Variants in CC2D2A observed in about 807,000 individuals in gnomAD.
CC2D2A encodes the protein coiled-coil and C2 domain containing 2A, also known as coiled-coil and C2 domain-containing protein 2A.
Under a neutral mutation model 212.9 loss-of-function variants are expected in CC2D2A, and 155 were observed. The observed-to-expected ratio is 0.73, with a 90% CI of 0.64 to 0.83. The LOEUF is 0.83. Ranked by LOEUF, CC2D2A falls within the 40% of genes least tolerant of loss-of-function variation. The probability of loss-of-function intolerance (pLI) is 0.00; values close to 1 mark genes in which losing one functional copy is unlikely to be tolerated. For synonymous variants in CC2D2A, 667 were observed against 686.5 expected, an observed-to-expected ratio of 0.97 and a Z score of 0.44; for missense variants, 1,856 against 1,956.2, an observed-to-expected ratio of 0.95 and a Z score of 0.97.
At position 15,502,834 on chromosome 4, in the gene CC2D2A, A is replaced by G; in HGVS notation, c.349A>G (p.Ser117Gly). 6.2e-7 allele frequency: 1 copy of G among 1,610,404 alleles called. No individual in the cohort carries two copies. Among genetic ancestry groups the G allele is most frequent in the Non-Finnish European group, 8.5e-7 (1 of 1,178,436 alleles). ...TTTGACTTTTTAGTCCAAAGCAGAA[A>G]GTGCATTGCTGCAGGAAATCCCCAC... Reference protein sequence around the residue: ...KLQAARSKAESALLQEIPTPR... With the variant: ...KLQAARSKAEGALLQEIPTPR... Residue 117 changes from serine (S) to glycine (G), a missense_variant, in exon 6 of 37, where the codon AGT (serine) becomes GGT (glycine). Physicochemically the swap from Ser to Gly is moderately conservative, Grantham distance 56. Around this residue, in one of 5 missense-constraint regions of CC2D2A, gnomAD observed 1,512 missense variants for 1,579.3 expected, o/e 0.96. Transcript: ENST00000424120.
intron 16 of CC2D2A, 139 bp from the exon 17 acceptor site, chr4:15,540,698 C>T: frequency 1.4e-6 from 1 of 718,100 alleles, no homozygotes; most frequent in Non-Finnish European, 2.3e-6. Context: ...CCTGTGGCTC[C>T]TCTGGTTAAA....
intron 4 of CC2D2A, among the ~76,000 whole-genome samples, chr4:15,490,575 G>T (rs1012816383): frequency 6.6e-6 from 1 of 152,144 alleles, no homozygotes; most frequent in Non-Finnish European, 1.5e-5. Flanking sequence ...ATTATATTCA[G>T]TTTGGTGCTA....
chr4:15,470,679 CTCTCTCTCTCTATATATATATATATATA>C (rs1470029171), intron 1 of CC2D2A, among the ~76,000 whole-genome samples: 60 of 70,350 alleles, frequency 8.5e-4, no homozygotes, highest in South Asian at 1.5e-3. Context: ...CTCTCTCTCT[CTCTCTCTCTCTATATATATATATATATA>C]TATATATATA....
At position 15,567,425 on chromosome 4, in the gene CC2D2A, T is replaced by C; in HGVS notation, c.3231T>C (p.His1077=). Reference sequence around the variant, plus strand: ...CTTCAAGGATGTTCAGTGAAAAGCATGCTGCTTCCCCAAGCACGTACAGCC... The same window carrying C: ...CTTCAAGGATGTTCAGTGAAAAGCACGCTGCTTCCCCAAGCACGTACAGCC... ...SRSSRMFSEK[H]AASPSTYSPT... is the part of the protein sequence containing the mutation. Residue 1077 remains histidine (H), a synonymous_variant, in exon 25 of 37, where the codon CAT becomes CAC. Transcript: ENST00000424120. 6.2e-7 allele frequency: 1 copy of C among 1,613,660 alleles called. No homozygotes were observed. Among genetic ancestry groups the C allele is most frequent in the Non-Finnish European group, 8.5e-7 (1 of 1,179,714 alleles).
At chr4:15,588,161 C>A (rs1720937598) in intron 32 of CC2D2A, among the ~76,000 whole-genome samples, 2 of 152,298 alleles carry the variant, frequency 1.3e-5, no homozygotes, top group South Asian at 4.1e-4. Flanking sequence ...AAACCCGAAC[C>A]CTTTACCATC....
At chr4:15,589,830 T>C (rs1397763957) in intron 33 of CC2D2A, 151 bp downstream of exon 33, 1 of 228,996 alleles carries the variant, frequency 4.4e-6, no homozygotes, top group Non-Finnish European at 7.1e-6. Flanking sequence ...TTAAAAGAAA[T>C]GCAGTGTCAA....
intron 33 of CC2D2A, among the ~76,000 whole-genome samples, chr4:15,593,153 G>T (rs34427409): frequency 0.13 from 19,831 of 152,124 alleles, 1,380 homozygotes; most frequent in Non-Finnish European, 0.15. Flanking sequence ...CAGAAAGTAC[G>T]AGGGGAACTT....
At chr4:15,565,399 GTTTTTT>G (rs11445564) in intron 24 of CC2D2A, among the ~76,000 whole-genome samples, 4 of 140,302 alleles carry the variant, frequency 2.9e-5, no homozygotes, top group Non-Finnish European at 6.2e-5. Context: ...TCCACATACG[GTTTTTT>G]TTTTTTTTTG....
At chr4:15,599,045 C>T (rs1018177549) in intron 35 of CC2D2A, among the ~76,000 whole-genome samples, 1 of 151,796 alleles carries the variant, frequency 6.6e-6, no homozygotes, top group Non-Finnish European at 1.5e-5. Context: ...ACCTGTGGTC[C>T]CAGCTACCAA....
At chr4:15,547,665 G>A (rs1401006599) in intron 17 of CC2D2A, among the ~76,000 whole-genome samples, 1 of 152,168 alleles carries the variant, frequency 6.6e-6, no homozygotes, top group Non-Finnish European at 1.5e-5. Flanking sequence ...AAATTATACA[G>A]AGATCTACTT....
intron 30 of CC2D2A, among the ~76,000 whole-genome samples, chr4:15,585,400 G>C (rs1720819220): frequency 1.3e-5 from 2 of 152,156 alleles, no homozygotes. Flanking sequence ...CAGAAGGACA[G>C]AGACAATATG....
chr4:15,508,383 A>G (rs1403425756), intron 6 of CC2D2A, among the ~76,000 whole-genome samples: 1 of 152,190 alleles, frequency 6.6e-6, no homozygotes, highest in Non-Finnish European at 1.5e-5. Flanking sequence ...CATGGGCTAA[A>G]CTAAAATGTT....
Position 15,587,847 on chromosome 4 carries a change from A to G in CC2D2A, c.4097A>G (p.Glu1366Gly), listed in dbSNP as rs1577397661. 1.2e-6 allele frequency: 2 copies of G among 1,613,320 alleles called. No homozygotes were observed. Among genetic ancestry groups the G allele is most frequent in the Non-Finnish European group, 8.5e-7 (1 of 1,179,326 alleles). ...QFLDLLAGDE[E>G]EHAVLLCNYF... is the part of the protein sequence containing the mutation. ...CTTGATCTCCTGGCAGGGGATGAAG[A>G]AGAACATGCAGTACTATTGTGTAAT... is the stretch of plus-strand genomic sequence containing the variant. Residue 1366 changes from glutamate to glycine, a missense_variant, in exon 32 of 37, where the codon GAA (glutamate) becomes GGA (glycine). By Grantham distance (98) the Glu-to-Gly change is moderately conservative. Coordinates refer to ENST00000424120, the MANE Select transcript of CC2D2A (RefSeq NM_001378615.1).
intron 27 of CC2D2A, 112 bp downstream of exon 27, chr4:15,569,501 T>C: frequency 1.6e-6 from 1 of 645,092 alleles, no homozygotes; most frequent in South Asian, 1.9e-5. Context: ...AGATCCTTTC[T>C]TGGATATCAC....
chr4:15,546,742 C>A (rs2109045427), intron 17 of CC2D2A, among the ~76,000 whole-genome samples: 1 of 152,270 alleles, frequency 6.6e-6, no homozygotes, highest in East Asian at 1.9e-4. Flanking sequence ...CCCAGAAAGC[C>A]CTGCTGTGTG....
At chr4:15,505,373 A>G (rs1716198431) in intron 6 of CC2D2A, among the ~76,000 whole-genome samples, 1 of 152,198 alleles carries the variant, frequency 6.6e-6, no homozygotes, top group South Asian at 2.1e-4. Context: ...ACTAGATATG[A>G]CCAAAACTTC....
At chr4:15,485,808 A>G (rs4698112) in intron 4 of CC2D2A, among the ~76,000 whole-genome samples, 70,706 of 151,958 alleles carry the variant, frequency 0.47, 17,078 homozygotes, top group African/African-American at 0.58. Flanking sequence ...CCTATTTTTA[A>G]TGAGATTATT....
chr4:15,514,379 A>G (rs756248922), intron 8 of CC2D2A, among the ~76,000 whole-genome samples: 7 of 152,182 alleles, frequency 4.6e-5, no homozygotes, highest in Non-Finnish European at 7.3e-5. Flanking sequence ...TATGAGCCCA[A>G]TTCTTTACAT....
intron 17 of CC2D2A, among the ~76,000 whole-genome samples, chr4:15,541,328 GTAA>G (rs1262358990): frequency 6.6e-6 from 1 of 151,258 alleles, no homozygotes; most frequent in Non-Finnish European, 1.5e-5. Context: ...CAAAACAATA[GTAA>G]TAATAATTAT....
Sources: allele counts gnomAD v4.1 joint callset (sites outside exome capture counted in the v4.1 genomes callset), GRCh38; gene constraint gnomAD v4.1.1; regional missense constraint gnomAD v4.1.1; transcripts MANE v1.5; gene names NCBI Gene and HGNC (gene_info 2026-07-23, HGNC 2026-07-21).